Variants in KLHL17 observed in about 807,000 individuals in gnomAD.
KLHL17 encodes the protein kelch-like protein 17.
Under a neutral mutation model 64.6 loss-of-function variants are expected in KLHL17, and 71 were observed. The ratio of observed to expected loss-of-function variants is 1.10; its 90% CI spans 0.91 to 1.34. The LOEUF is 1.34. Ranked by LOEUF, KLHL17 falls within the 40% of genes most tolerant of loss-of-function variation. The pLI is 0.00. For missense variants in KLHL17, 1,140 were observed against 935.0 expected, an observed-to-expected ratio of 1.22 and a Z score of -2.86; for synonymous variants, 612 against 405.4, an observed-to-expected ratio of 1.51 and a Z score of -6.12.
Position 961,640 on chromosome 1 carries a change from G to GA in KLHL17, c.380dup (p.Ser128GlufsTer27), listed in dbSNP as rs745825422. The stretch of plus-strand genomic sequence containing the variant: ...CGCTGTCCCCGCAGATGAGATGAGC[G>GA]AGAGCCGCCAGACCCACGTGACGCT... On this transcript the variant is annotated frameshift_variant, in exon 3 of 12. Transcript: ENST00000338591. LOFTEE classifies it high-confidence loss of function. 18 of 1,612,734 alleles carry GA rather than the reference G, an allele frequency of 1.1e-5. No homozygotes were observed. The highest frequency in any genetic ancestry group is 1.5e-5 in the Non-Finnish European group (18 of 1,179,872).
chr1:965,594 G>A lies in KLHL17; in HGVS notation c.*403G>A, dbSNP rs1211974891. ...GTCCCGGGAAGGGTGGGGAGCAGTT[G>A]TCCTTCCTGTCGTCGTCTGCCGTGT... On this transcript the variant is annotated 3_prime_UTR_variant, in exon 12 of 12. Coordinates refer to ENST00000338591, the MANE Select transcript of KLHL17 (RefSeq NM_198317.3). The A allele has an allele frequency of 4.5e-6, 1 of 221,582 alleles. No homozygotes were observed. The highest frequency in any genetic ancestry group is 2.3e-5 in the African/African-American group (1 of 43,546). The allele number at this position is 221,582 out of a possible 1,614,324, so 13.7% of individuals were successfully genotyped here. A position where few individuals can be genotyped will look rare whatever the true frequency, so the allele number is the denominator to read the frequency against.
In KLHL17 at chr1:960,748, A is replaced by C; in HGVS notation, c.55A>C (p.Ser19Arg). The change falls in exon 1 of 12, where the codon AGC becomes CGC. Residue 19 changes from serine (S) to arginine (R), a missense_variant. By Grantham distance (110) the Ser-to-Arg change is moderately radical. Transcript: ENST00000338591. Reference protein sequence around the residue: ...AGRTQSPEHGSPGPGPEAPPP... With the variant: ...AGRTQSPEHGRPGPGPEAPPP... Reference sequence around the variant, plus strand: ...CAGGACGCAGAGCCCGGAGCACGGCAGCCCGGGGCCCGGGCCCGAGGCGCC... The same window carrying C: ...CAGGACGCAGAGCCCGGAGCACGGCCGCCCGGGGCCCGGGCCCGAGGCGCC... 3 of 1,210,636 alleles carry C rather than the reference A, an allele frequency of 2.5e-6. No homozygotes were observed. The highest frequency in any genetic ancestry group is 3.1e-6 in the Non-Finnish European group (3 of 969,944). The allele number at this position is 1,210,636 out of a possible 1,614,324, so 75.0% of individuals were successfully genotyped here. A position where few individuals can be genotyped will look rare whatever the true frequency, so the allele number is the denominator to read the frequency against.
At chr1:962,228 C>T (rs543650267) in intron 4 of KLHL17, 127 bp from the exon 5 acceptor site, 4 of 1,486,820 alleles carry the variant, frequency 2.7e-6, no homozygotes, top group East Asian at 2.4e-5. Flanking sequence ...GCTCCTGACT[C>T]TGCTCGGCCC....
At position 961,658 on chromosome 1, in the gene KLHL17, G is replaced by A; in HGVS notation, c.397G>A (p.Val133Met). Residue 133 changes from valine (V) to methionine (M), a missense_variant, in exon 3 of 12, where the codon GTG becomes ATG. Coordinates refer to ENST00000338591, the MANE Select transcript of KLHL17 (RefSeq NM_198317.3). ...NEMSESRQTH[V>M]TLHDIDPQAL... is the part of the protein sequence containing the mutation. ...GATGAGCGAGAGCCGCCAGACCCACGTGACGCTGCACGACATCGACCCTCA... is the reference window on the plus strand; with the variant it reads ...GATGAGCGAGAGCCGCCAGACCCACATGACGCTGCACGACATCGACCCTCA... 6.2e-7 allele frequency: 1 copy of A among 1,612,758 alleles called. No homozygotes were observed. The highest frequency in any genetic ancestry group is 8.5e-7 in the Non-Finnish European group (1 of 1,179,804).
Position 961,944 on chromosome 1 carries a change from C to T in KLHL17, c.608C>T (p.Ala203Val), listed in dbSNP as rs1642673286. The stretch of plus-strand genomic sequence containing the variant: ...CTGGGTATCCGGGGCTTTGCCGATG[C>T]GCACTCCTGCAGCGACCTGCTCAAG... ...NCLGIRGFAD[A>V]HSCSDLLKAA... The change falls in exon 4 of 12, where the codon GCG becomes GTG. Residue 203 changes from alanine to valine, a missense_variant. Coordinates refer to ENST00000338591, the MANE Select transcript of KLHL17 (RefSeq NM_198317.3). 1.9e-6 allele frequency: 3 copies of T among 1,612,816 alleles called. No individual in the cohort carries two copies. The highest frequency in any genetic ancestry group is 1.7e-6 in the Non-Finnish European group (2 of 1,179,998).
Position 961,615 on chromosome 1 carries a change from C to T in KLHL17, c.368-14C>T, listed in dbSNP as rs764101234. ...GTCCCTCGGGTCAGCTCGTGTAACCCGCTGTCCCCGCAGATGAGATGAGCG... is the reference window on the plus strand; with the variant it reads ...GTCCCTCGGGTCAGCTCGTGTAACCTGCTGTCCCCGCAGATGAGATGAGCG... On this transcript the variant is annotated splice_polypyrimidine_tract_variant and intron_variant, in intron 2 of 11. Transcript: ENST00000338591. 1.3e-5 allele frequency: 21 copies of T among 1,612,654 alleles called. No homozygotes were observed. In the South Asian group the frequency reaches 1.9e-4, roughly 14 times the overall value.
chr1:961,476 C>T lies in KLHL17; in HGVS notation c.291C>T (p.His97=), dbSNP rs917754963. The change falls in exon 2 of 12, where the codon CAC becomes CAT. Residue 97 remains histidine, a synonymous_variant. Transcript: ENST00000338591. ...GCCTCCTGTGCGACATCGTCCTGCA[C>T]GTGGCTGCCAAGGAGATCCGTGCGC... ...QRGLLCDIVL[H]VAAKEIRAHK... is the part of the protein sequence containing the mutation. The T allele has an allele frequency of 3.7e-6, 6 of 1,612,376 alleles. No homozygotes were observed. Among genetic ancestry groups the T allele is most frequent in the African/African-American group, 2.7e-5 (2 of 74,916 alleles).
Position 965,279 on chromosome 1 carries a change from G to T in KLHL17, c.*88G>T. ...GGGACGTCCTGCGCCATCCGTTCAC[G>T]TCTCTGCATCCATTCCTTCATGTCT... On this transcript the variant is annotated 3_prime_UTR_variant, in exon 12 of 12. Transcript: ENST00000338591. 1.0e-6 allele frequency: 1 copy of T among 979,424 alleles called. No individual in the cohort carries two copies. The highest frequency in any genetic ancestry group is 1.5e-6 in the Non-Finnish European group (1 of 653,596). 60.7% of individuals were successfully genotyped at this position (979,424 alleles called of 1,614,324 possible).
At chr1:963,681 C>T (rs552833949) in intron 8 of KLHL17, 177 bp downstream of exon 8, 9 of 870,388 alleles carry the variant, frequency 1.0e-5, no homozygotes, top group South Asian at 3.5e-5. Context: ...CCCCAGTGCC[C>T]TTTCCTCTCT....
At position 965,497 on chromosome 1, in the gene KLHL17, G is replaced by C. The variant is rs1642914002; in HGVS notation, c.*306G>C. The C allele has an allele frequency of 7.2e-6, 3 of 414,216 alleles. No individual in the cohort carries two copies. Among genetic ancestry groups the C allele is most frequent in the Non-Finnish European group, 1.3e-5 (3 of 231,672 alleles). 25.7% of individuals were successfully genotyped at this position (414,216 alleles called of 1,614,324 possible). A position where few individuals can be genotyped will look rare whatever the true frequency, so the allele number is the denominator to read the frequency against. The stretch of plus-strand genomic sequence containing the variant: ...GGCCGTTGCCTGCTCAGACCTTGCA[G>C]GCTGTGGAGCAAGAGGCCCTGGGTC... On this transcript the variant is annotated 3_prime_UTR_variant, in exon 12 of 12. Transcript: ENST00000338591.
Position 963,133 on chromosome 1 carries a change from A to C in KLHL17, c.1067A>C (p.His356Pro). 6.2e-7 allele frequency: 1 copy of C among 1,612,032 alleles called. No homozygotes were observed. The highest frequency in any genetic ancestry group is 2.2e-5 in the East Asian group (1 of 44,842). ...GGCGGCGGGAGCCTGTTTGCCATCC[A>C]CGGAGACTGTGAGGCCTACGACACG... ...AVGGGSLFAIHGDCEAYDTRT... is the reference protein window; with the variant it reads ...AVGGGSLFAIPGDCEAYDTRT... The change falls in exon 7 of 12, where the codon CAC (histidine) becomes CCC (proline). Residue 356 changes from histidine to proline, a missense_variant. Physicochemically the swap from His to Pro is moderately conservative, Grantham distance 77 (BLOSUM62 -2). Transcript: ENST00000338591.
At chr1:962,661 T>A (rs1446336634) in intron 5 of KLHL17, 43 bp from the exon 6 acceptor site, 1 of 1,545,458 alleles carries the variant, frequency 6.5e-7, no homozygotes, top group Non-Finnish European at 8.7e-7. Flanking sequence ...ACGCCCAGTG[T>A]GCCCGAGGGT....
chr1:964,512 C>T lies in KLHL17; in HGVS notation c.1682C>T (p.Ala561Val), dbSNP rs756054473. ...SPKAGAWESV[A>V]PMNIRRSTHD... is the part of the protein sequence containing the mutation. Reference sequence around the variant, plus strand: ...AAGGCTGGAGCCTGGGAAAGCGTGGCGCCCATGAATATCCGCAGGTCCGCA... The same window carrying T: ...AAGGCTGGAGCCTGGGAAAGCGTGGTGCCCATGAATATCCGCAGGTCCGCA... Residue 561 changes from alanine to valine, a missense_variant, in exon 11 of 12, where the codon GCG becomes GTG. Ala to Val is a moderately conservative substitution (Grantham distance 64). Transcript: ENST00000338591. 2.6e-6 allele frequency: 4 copies of T among 1,512,036 alleles called. No homozygotes were observed. The highest frequency in any genetic ancestry group is 2.1e-5 in the Admixed American group (1 of 47,612). 93.7% of individuals were successfully genotyped at this position (1,512,036 alleles called of 1,614,324 possible).
At chr1:962,511 G>A (rs1283036544) in intron 5 of KLHL17, 40 bp downstream of exon 5, 1 of 1,604,694 alleles carries the variant, frequency 6.2e-7, no homozygotes, top group Non-Finnish European at 8.5e-7. Flanking sequence ...GCATCCAGGA[G>A]GGCATGCAGG....
Position 962,047 on chromosome 1 carries a change from G to A in KLHL17, c.711G>A (p.Gln237=), listed in dbSNP as rs766988185. 3 of 1,612,406 alleles carry A rather than the reference G, an allele frequency of 1.9e-6. No homozygotes were observed. Among genetic ancestry groups the A allele is most frequent in the South Asian group, 1.1e-5 (1 of 91,052 alleles). ...AGTTTATGCTGCTGCCCCTGAAACA[G>A]GTAACAGCTGGCGGGCCCAGCCCTC... ...TEEFMLLPLK[Q]VLELVSSDSL... is the part of the protein sequence containing the mutation. Residue 237 remains glutamine (Q), a splice_region_variant and synonymous_variant, in exon 4 of 12, where the codon CAG becomes CAA. Transcript: ENST00000338591.
Position 964,346 on chromosome 1 carries a change from C to T in KLHL17, c.1519-3C>T, listed in dbSNP as rs936933642. 1 of 1,556,184 alleles carries T rather than the reference C, an allele frequency of 6.4e-7. No homozygotes were observed. On this transcript the variant is annotated splice_polypyrimidine_tract_variant and splice_region_variant and intron_variant, in intron 10 of 11. Coordinates refer to ENST00000338591, the MANE Select transcript of KLHL17 (RefSeq NM_198317.3). Reference sequence around the variant, plus strand: ...TGCGTCCAGCCCACGCCCTCGCCCCCAGGTGAACGTGTGGTCGCCCGTGGC... The same window carrying T: ...TGCGTCCAGCCCACGCCCTCGCCCCTAGGTGAACGTGTGGTCGCCCGTGGC...
rs374437986 is a variant in KLHL17, at chr1:963,955, C to T, written c.1391C>T (p.Thr464Met). The T allele has an allele frequency of 5.0e-6, 8 of 1,612,422 alleles. No individual in the cohort carries two copies. The highest frequency in any genetic ancestry group is 2.7e-5 in the African/African-American group (2 of 74,928). The change falls in exon 9 of 12, where the codon ACG becomes ATG. Residue 464 changes from threonine to methionine, a missense_variant. Coordinates refer to ENST00000338591, the MANE Select transcript of KLHL17 (RefSeq NM_198317.3). ...TACGACCCCCTGACCGGAACGTGGA[C>T]GTCCGTCGCTGCCATGAGCACCCGG... ...ERYDPLTGTWTSVAAMSTRRR... is the reference protein window; with the variant it reads ...ERYDPLTGTWMSVAAMSTRRR...
rs79110607 is a variant in KLHL17, at chr1:962,739, C to T, written c.864C>T (p.Arg288=). 2,919 of 1,609,696 alleles carry T rather than the reference C, an allele frequency of 1.8e-3. 32 individuals are homozygous for T. The African/African-American group carries it at 0.029, about 16-fold the overall frequency. The change falls in exon 6 of 12, where the codon CGC becomes CGT. Residue 288 remains arginine, a synonymous_variant. Coordinates refer to ENST00000338591, the MANE Select transcript of KLHL17 (RefSeq NM_198317.3). ...GTGTGCGGCTGCCCTTGCTGAGCCG[C>T]GACTTCCTGCTGGGCCACGTGGATG... ...MKCVRLPLLS[R]DFLLGHVDAE...
At position 962,814 on chromosome 1, in the gene KLHL17, G is replaced by A; in HGVS notation, c.939G>A (p.Glu313=). The part of the protein sequence containing the change: ...HHPDCKDLLI[E]ALKFHLLPEQ... The stretch of plus-strand genomic sequence containing the variant: ...CTGACTGCAAGGACCTCCTCATCGA[G>A]GCCCTGAAGTTCCACCTGCTGCCTG... Residue 313 remains glutamate, a synonymous_variant, in exon 6 of 12, where the codon GAG becomes GAA. Transcript: ENST00000338591. The A allele has an allele frequency of 6.2e-7, 1 of 1,608,882 alleles. No homozygotes were observed. The highest frequency in any genetic ancestry group is 8.5e-7 in the Non-Finnish European group (1 of 1,179,118).
Sources: gnomAD v4.1 joint callset for allele counts on GRCh38, gnomAD v4.1.1 for gene constraint, MANE v1.5 for transcripts, NCBI Gene and HGNC (gene_info 2026-07-23, HGNC 2026-07-21) for gene names.